DCC: variants seen among roughly 807,000 people sequenced by gnomAD.
DCC encodes the protein DCC netrin 1 receptor.
Under a neutral mutation model 172.5 loss-of-function variants are expected in DCC, and 58 were observed. The observed-to-expected ratio is 0.34, with a 90% CI of 0.27 to 0.42. The LOEUF (loss-of-function observed/expected upper bound fraction) is 0.42. DCC is among the 10% of genes least tolerant of loss of function. The pLI, the probability that DCC is intolerant of heterozygous loss-of-function variation, is 1.00. For synonymous variants in DCC, 709 were observed against 644.5 expected, an observed-to-expected ratio of 1.10 and a Z score of -1.52; for missense variants, 1,740 against 1,791.0, an observed-to-expected ratio of 0.97 and a Z score of 0.51.
intron 7 of DCC, among the ~76,000 whole-genome samples, chr18:53,119,554 A>G (rs1277432693): frequency 6.6e-6 from 1 of 151,910 alleles, no homozygotes; most frequent in Non-Finnish European, 1.5e-5. Flanking sequence ...TAACTGGCAG[A>G]TTATTTCTTA....
chr18:53,385,912 C>T, intron 15 of DCC, 131 bp from the exon 16 acceptor site: 1 of 711,242 alleles, frequency 1.4e-6, no homozygotes, highest in South Asian at 1.5e-5. Context: ...CTTTCTGAAT[C>T]CAACTCACTC....
At chr18:53,304,960 C>A (rs2057182263) in intron 12 of DCC, among the ~76,000 whole-genome samples, 1 of 152,104 alleles carries the variant, frequency 6.6e-6, no homozygotes, top group African/African-American at 2.4e-5. Flanking sequence ...ATCATGGGGG[C>A]AGGTCTTTCC....
intron 27 of DCC, among the ~76,000 whole-genome samples, chr18:53,514,695 C>A (rs1365569169): frequency 4.0e-5 from 6 of 151,436 alleles, no homozygotes; most frequent in Non-Finnish European, 8.8e-5. Context: ...ACTAGAAAAT[C>A]TAGAAGAAAT....
chr18:53,025,189 A>G (rs1000644948), intron 5 of DCC, among the ~76,000 whole-genome samples: 1 of 152,166 alleles, frequency 6.6e-6, no homozygotes, highest in African/African-American at 2.4e-5. Context: ...AGTCACTGGA[A>G]GTAGATGAGA....
intron 5 of DCC, among the ~76,000 whole-genome samples, chr18:52,940,738 T>C (rs994693842): frequency 1.3e-5 from 2 of 152,212 alleles, no homozygotes; most frequent in African/African-American, 4.8e-5. Flanking sequence ...CTATCACTTA[T>C]TTCTAGAAGA....
In DCC at chr18:52,483,313, A is replaced by G. The variant is rs569226200; in HGVS notation, c.91+142435A>G. The stretch of plus-strand genomic sequence containing the variant: ...GGACATATCTGTTGGAGGGCCATGC[A>G]GCCAACTATATCTTTAGCTTCTATT... On this transcript the variant is annotated intron_variant, in intron 1 of 28. Transcript: ENST00000442544. Among the ~76,000 whole-genome samples the G allele has an allele frequency of 1.1e-4, 16 of 152,274 alleles. No homozygotes were observed. The South Asian group carries it at 3.1e-3, about 30-fold the overall frequency.
In DCC at chr18:53,019,251, A is replaced by G. The variant is rs981899351; in HGVS notation, c.986-44054A>G. Among the ~76,000 whole-genome samples the G allele has an allele frequency of 2.0e-5, 3 of 152,210 alleles. No individual in the cohort carries two copies. The East Asian group carries it at 5.8e-4, about 29-fold the overall frequency. ...CTTGAACCTATGGCTCTGATAATTG[A>G]TATCAAGGCTGAATTTCTCTTTTTT... On this transcript the variant is annotated intron_variant, in intron 5 of 28. Coordinates refer to ENST00000442544, the MANE Select transcript of DCC (RefSeq NM_005215.4).
intron 8 of DCC, among the ~76,000 whole-genome samples, chr18:53,166,838 TTCTC>T (rs992752148): frequency 1.3e-5 from 2 of 152,156 alleles, no homozygotes; most frequent in African/African-American, 4.8e-5. Context: ...CTTGAAACCT[TTCTC>T]TCTAAGATAG....
chr18:53,510,180 C>A (rs1451397544), intron 27 of DCC, among the ~76,000 whole-genome samples: 2 of 152,174 alleles, frequency 1.3e-5, no homozygotes. Context: ...TCAAATGGTA[C>A]ACTGAAAAGC....
In DCC at chr18:52,551,287, A is replaced by G. The variant is rs189562013; in HGVS notation, c.92-200767A>G. Among the ~76,000 whole-genome samples, 41 of 152,098 alleles carry G rather than the reference A, an allele frequency of 2.7e-4. No individual in the cohort carries two copies. The East Asian group carries it at 7.4e-3, about 27-fold the overall frequency. On this transcript the variant is annotated intron_variant, in intron 1 of 28. Transcript: ENST00000442544. Reference sequence around the variant, plus strand: ...TGTAGGAGGGCTCGGAATAGAAAAGAAAAAGGTAGCAAGGTAGAATCATAC... The same window carrying G: ...TGTAGGAGGGCTCGGAATAGAAAAGGAAAAGGTAGCAAGGTAGAATCATAC...
chr18:52,357,590 G>A (rs56141181), intron 1 of DCC, among the ~76,000 whole-genome samples: 14,829 of 152,086 alleles, frequency 0.098, 855 homozygotes, highest in Middle Eastern at 0.17. Context: ...CTCTACTCTC[G>A]AAGAGTAGAT....
At chr18:52,669,218 T>A (rs567382728) in intron 1 of DCC, among the ~76,000 whole-genome samples, 58 of 152,274 alleles carry the variant, frequency 3.8e-4, no homozygotes, top group Non-Finnish European at 6.9e-4. Flanking sequence ...AGTTTATCCA[T>A]CTTAGTGGTG....
intron 27 of DCC, among the ~76,000 whole-genome samples, chr18:53,508,090 T>G (rs2046204909): frequency 6.6e-6 from 1 of 152,054 alleles, no homozygotes; most frequent in Admixed American, 6.5e-5. Flanking sequence ...AGACGGGGTT[T>G]CACCGTGTTA....
At chr18:53,203,219 G>A (rs955470618) in intron 9 of DCC, among the ~76,000 whole-genome samples, 113 of 151,582 alleles carry the variant, frequency 7.5e-4, no homozygotes, top group Non-Finnish European at 8.1e-4. Flanking sequence ...GTGTGTGTGT[G>A]TGTGTGTGTG....
intron 14 of DCC, among the ~76,000 whole-genome samples, chr18:53,322,578 A>AT (rs1020766945): frequency 6.6e-6 from 1 of 151,892 alleles, no homozygotes; most frequent in Admixed American, 6.6e-5. Flanking sequence ...ATCTATATGT[A>AT]TTTTTTTACT....
At chr18:52,586,320 G>A (rs1168563577) in intron 1 of DCC, among the ~76,000 whole-genome samples, 1 of 152,054 alleles carries the variant, frequency 6.6e-6, no homozygotes, top group African/African-American at 2.4e-5. Flanking sequence ...ATTCTCAGTA[G>A]AGGATGACAA....
chr18:52,556,817 CCTCT>C (rs2032927787), intron 1 of DCC, among the ~76,000 whole-genome samples: 1 of 152,060 alleles, frequency 6.6e-6, no homozygotes. Flanking sequence ...TGAGCAGCTC[CCTCT>C]GATCAGCCAT....
intron 5 of DCC, among the ~76,000 whole-genome samples, chr18:53,023,345 AAC>A (rs1491425803): frequency 5.4e-4 from 78 of 143,210 alleles, no homozygotes; most frequent in African/African-American, 1.9e-3. Context: ...ATAAAAAAAA[AAC>A]ATAAAAAAAA....
At chr18:53,498,254 T>TGTCTCAAAATTATCTCACTAA (rs1451560208) in intron 26 of DCC, among the ~76,000 whole-genome samples, 12 of 152,206 alleles carry the variant, frequency 7.9e-5, no homozygotes, top group Non-Finnish European at 7.3e-5. Context: ...CCGGGAGACT[T>TGTCTCAAAATTATCTCACTAA]GTCTCAAAAT....
Sources: gnomAD v4.1 joint callset for allele counts (sites outside exome capture counted in the v4.1 genomes callset) on GRCh38, gnomAD v4.1.1 for gene constraint, MANE v1.5 for transcripts, NCBI Gene and HGNC (gene_info 2026-07-23, HGNC 2026-07-21) for gene names.